Variants in CCDC141 observed in about 807,000 individuals in gnomAD.
CCDC141 encodes coiled-coil domain-containing protein 141.
CCDC141 carries 168 observed loss-of-function variants against 181.0 expected under a neutral mutation model. The observed-to-expected ratio is 0.93, with a 90% confidence interval of 0.82 to 1.05. The LOEUF (loss-of-function observed/expected upper bound fraction) is 1.05. CCDC141 is among the 50% of genes least tolerant of loss of function. CCDC141 has a pLI of 0.00. For synonymous variants in CCDC141, 666 were observed against 642.3 expected (o/e 1.04, Z -0.56); for missense variants, 1,902 against 1,788.5 (o/e 1.06, Z -1.14).
intron 2 of CCDC141, among the ~76,000 whole-genome samples, chr2:179,011,624 C>T (rs62175985): frequency 6.6e-6 from 1 of 152,062 alleles, no homozygotes; most frequent in Non-Finnish European, 1.5e-5. Context: ...AACAAATGGA[C>T]TTAGCAGATA....
intron 2 of CCDC141, among the ~76,000 whole-genome samples, chr2:178,986,758 A>G (rs1386849948): frequency 3.9e-5 from 6 of 151,982 alleles, no homozygotes; most frequent in Admixed American, 1.3e-4. Context: ...TCCAACGTAC[A>G]AGGGATGTGA....
In CCDC141 at chr2:178,868,064, A is replaced by G. The variant is rs367600399; in HGVS notation, c.2536T>C (p.Ser846Pro). ...RVDHLHRLAL[S>P]LGVDIISSVQ... The stretch of plus-strand genomic sequence containing the variant: ...GATGAGATGATGTCGACTCCTAAGG[A>G]AAGGGCCAGTCTGTGGAGATGGTCT... The change falls in exon 16 of 24, where the codon TCC becomes CCC. Residue 846 changes from serine (S) to proline (P), a missense_variant. Transcript: ENST00000443758. The G allele has an allele frequency of 3.9e-5, 63 of 1,613,932 alleles. No homozygotes were observed. The highest frequency in any genetic ancestry group is 3.3e-4 in the Middle Eastern group (2 of 6,048).
intron 12 of CCDC141, chr2:178,873,700 G>C (rs1686224180): frequency 1.3e-5 from 2 of 152,092 alleles, no homozygotes; most frequent in African/African-American, 4.8e-5. Flanking sequence ...CACTCAAGAA[G>C]ATTGAATAAT....
intron 4 of CCDC141, 89 bp downstream of exon 4, chr2:178,974,968 T>G: frequency 1.7e-6 from 1 of 587,160 alleles, no homozygotes; most frequent in Non-Finnish European, 2.8e-6. Flanking sequence ...ATAGATCAAT[T>G]TAAAATACAC....
chr2:179,035,772 T>C (rs760414632), intron 2 of CCDC141, among the ~76,000 whole-genome samples: 2 of 152,298 alleles, frequency 1.3e-5, no homozygotes, highest in African/African-American at 2.4e-5. Flanking sequence ...GCAGCCAGTC[T>C]CTTGAGGCTG....
intron 6 of CCDC141, among the ~76,000 whole-genome samples, chr2:178,935,524 T>C (rs1217612168): frequency 6.6e-6 from 1 of 152,210 alleles, no homozygotes; most frequent in African/African-American, 2.4e-5. Context: ...CAATCTGTCA[T>C]TGATGGGCAT....
chr2:178,909,457 C>T (rs535501588), intron 7 of CCDC141, among the ~76,000 whole-genome samples: 93 of 152,260 alleles, frequency 6.1e-4, no homozygotes, highest in African/African-American at 2.2e-3. Flanking sequence ...GACCTCAATC[C>T]TAACCAACCC....
chr2:179,016,410 AG>A (rs996661226), intron 2 of CCDC141, among the ~76,000 whole-genome samples: 1 of 152,158 alleles, frequency 6.6e-6, no homozygotes, highest in African/African-American at 2.4e-5. Flanking sequence ...ATATATTTAG[AG>A]GCAAGATGAG....
In CCDC141 at chr2:178,888,597, C is replaced by T. The variant is rs1686999528; in HGVS notation, c.1337G>A (p.Cys446Tyr). 5 of 1,550,740 alleles carry T rather than the reference C, an allele frequency of 3.2e-6. No individual in the cohort carries two copies. Among genetic ancestry groups the T allele is most frequent in the Admixed American group, 3.9e-5 (2 of 51,004 alleles). Residue 446 changes from cysteine (C) to tyrosine (Y), a missense_variant, in exon 9 of 24, where the codon TGT becomes TAT. By Grantham distance (194) the Cys-to-Tyr change is radical. Transcript: ENST00000443758. ...AAGAGCATATTCCTTGTGCGCTGAA[C>T]ACTGTTCGGTCAGATGATCCACTCG... is the stretch of plus-strand genomic sequence containing the variant. ...KRRVDHLTEQCSAHKEYALKK... is the reference protein window; with the variant it reads ...KRRVDHLTEQYSAHKEYALKK...
chr2:178,947,895 T>C (rs1303192581), intron 5 of CCDC141, among the ~76,000 whole-genome samples: 2 of 152,090 alleles, frequency 1.3e-5, no homozygotes, highest in African/African-American at 2.4e-5. Flanking sequence ...AATGAAAATA[T>C]CTCATTAAGA....
intron 22 of CCDC141, 52 bp from the exon 23 acceptor site, chr2:178,837,796 A>G: frequency 1.9e-6 from 3 of 1,542,050 alleles, no homozygotes; most frequent in Non-Finnish European, 2.6e-6. Context: ...TTCTTTTTCC[A>G]GTTTCAATTA....
intron 8 of CCDC141, among the ~76,000 whole-genome samples, chr2:178,890,396 A>G (rs908226956): frequency 3.3e-5 from 5 of 152,288 alleles, no homozygotes; most frequent in African/African-American, 1.2e-4. Context: ...AAGAAGCTGT[A>G]GCTTGGAGGG....
intron 2 of CCDC141, chr2:179,002,367 C>A: frequency 3.4e-6 from 1 of 291,414 alleles, no homozygotes; most frequent in Non-Finnish European, 6.6e-6. Flanking sequence ...GGATGTCAAT[C>A]TAAATGTTCT....
chr2:178,899,564 GT>G (rs575744982), intron 8 of CCDC141, among the ~76,000 whole-genome samples: 146 of 152,296 alleles, frequency 9.6e-4, no homozygotes, highest in Middle Eastern at 3.4e-3. Context: ...TCATGGCATT[GT>G]TTTGGCACTC....
chr2:178,935,253 T>C (rs1170668369), intron 6 of CCDC141, among the ~76,000 whole-genome samples: 1 of 152,160 alleles, frequency 6.6e-6, no homozygotes, highest in Non-Finnish European at 1.5e-5. Flanking sequence ...TAGTTATCTT[T>C]TCTGCTCCTC....
At chr2:178,919,243 T>G (rs1433910779) in intron 6 of CCDC141, among the ~76,000 whole-genome samples, 1 of 152,252 alleles carries the variant, frequency 6.6e-6, no homozygotes, top group Admixed American at 6.5e-5. Flanking sequence ...TATGTTACTT[T>G]GTTATAGAAA....
rs531321533 is a variant in CCDC141 at position 178,871,142 on chromosome 2, TA to T, written c.2205+284del. Among the ~76,000 whole-genome samples, 12 of 152,272 alleles carry T rather than the reference TA, an allele frequency of 7.9e-5. No individual in the cohort carries two copies. In the South Asian group the frequency reaches 2.5e-3, roughly 32 times the overall value. ...AAGGAAAAGAATTAGAGTGAAAATA[TA>T]GGATAAATATATTACTAGTTTAATT... On this transcript the variant is annotated intron_variant, in intron 14 of 23. Coordinates refer to ENST00000443758, the MANE Select transcript of CCDC141 (RefSeq NM_173648.4).
chr2:178,988,314 T>G (rs2154382042), intron 2 of CCDC141, among the ~76,000 whole-genome samples: 1 of 110,758 alleles, frequency 9.0e-6, no homozygotes, highest in East Asian at 2.8e-4. Flanking sequence ...CTCTGGGGAC[T>G]GTTGTGGGGT....
At chr2:178,851,534 A>C (rs919050229) in intron 20 of CCDC141, among the ~76,000 whole-genome samples, 3 of 152,156 alleles carry the variant, frequency 2.0e-5, no homozygotes, top group African/African-American at 7.2e-5. Flanking sequence ...GTGCAGAGGG[A>C]TGACCACGTG....
Sources: gnomAD v4.1 joint callset for allele counts (sites outside exome capture counted in the v4.1 genomes callset) on GRCh38, gnomAD v4.1.1 for gene constraint, MANE v1.5 for transcripts, NCBI Gene and HGNC (gene_info 2026-07-23, HGNC 2026-07-21) for gene names.